Variants in ZC3H3 observed in about 807,000 individuals in gnomAD.
The protein encoded by ZC3H3 is zinc finger CCCH-type containing 3, also known as zinc finger CCCH domain-containing protein 3.
Under a neutral mutation model 77.3 loss-of-function variants are expected in ZC3H3, and 36 were observed. That is an observed-to-expected ratio of 0.47 (90% CI 0.36 to 0.61). The LOEUF (loss-of-function observed/expected upper bound fraction) is 0.61, where lower values mean the gene tolerates loss of function less well. Ranked by LOEUF, ZC3H3 falls within the 20% of genes least tolerant of loss-of-function variation. The probability of loss-of-function intolerance (pLI) is 0.00; values close to 1 mark genes in which losing one functional copy is unlikely to be tolerated. For synonymous variants in ZC3H3, 626 were observed against 555.2 expected, an observed-to-expected ratio of 1.13 and a Z score of -1.79; for missense variants, 1,331 against 1,312.2, an observed-to-expected ratio of 1.01 and a Z score of -0.22.
At chr8:143,486,730 C>G (rs867775094) in intron 4 of ZC3H3, among the ~76,000 whole-genome samples, 25 of 143,370 alleles carry the variant, frequency 1.7e-4, no homozygotes, top group African/African-American at 3.4e-4. Flanking sequence ...ACGAAGCTCA[C>G]ACACAAAACA....
chr8:143,520,483 G>A (rs866210993), intron 3 of ZC3H3, among the ~76,000 whole-genome samples: 5 of 152,182 alleles, frequency 3.3e-5, no homozygotes, highest in African/African-American at 7.2e-5. Context: ...CCAGGCCCAC[G>A]CAGTGGGAAC....
chr8:143,475,295 G>A, intron 5 of ZC3H3, 103 bp downstream of exon 5: 1 of 1,377,372 alleles, frequency 7.3e-7, no homozygotes, highest in Non-Finnish European at 9.7e-7. Flanking sequence ...CCAAGGCCCA[G>A]AGCAGCCACA....
chr8:143,507,790 G>C lies in ZC3H3; in HGVS notation c.1671C>G (p.Pro557=). Reference sequence around the variant, plus strand: ...GGGCCCGCCAGGAGGGCAGAGACAGGGGGAAGGGCGGGGCGCTGAGAGGCG... The same window carrying C: ...GGGCCCGCCAGGAGGGCAGAGACAGCGGGAAGGGCGGGGCGCTGAGAGGCG... The part of the protein sequence containing the change: ...PASPLSAPPF[P]LSLPSWRARR... Residue 557 remains proline (P), a synonymous_variant, in exon 4 of 12, where the codon CCC becomes CCG. Transcript: ENST00000262577. The C allele has an allele frequency of 6.2e-7, 1 of 1,603,020 alleles. No individual in the cohort carries two copies. The highest frequency in any genetic ancestry group is 2.2e-5 in the East Asian group (1 of 44,664).
chr8:143,526,170 C>T (rs1428266176), intron 3 of ZC3H3, among the ~76,000 whole-genome samples: 1 of 152,240 alleles, frequency 6.6e-6, no homozygotes, highest in Non-Finnish European at 1.5e-5. Context: ...CCTGGAGAGA[C>T]CCTGGCTGGA....
At chr8:143,536,231 G>A (rs1411510347) in intron 3 of ZC3H3, 26 bp downstream of exon 3, 9 of 1,597,504 alleles carry the variant, frequency 5.6e-6, no homozygotes, top group Non-Finnish European at 7.7e-6. Flanking sequence ...CAGCCCCAGT[G>A]CCCAGCGCCC....
chr8:143,514,243 C>G (rs1821960846), intron 3 of ZC3H3, among the ~76,000 whole-genome samples: 1 of 152,168 alleles, frequency 6.6e-6, no homozygotes, highest in Non-Finnish European at 1.5e-5. Flanking sequence ...CCTCAAGTGC[C>G]ACCGTGAGGT....
At chr8:143,514,324 C>G (rs1821963814) in intron 3 of ZC3H3, among the ~76,000 whole-genome samples, 1 of 152,202 alleles carries the variant, frequency 6.6e-6, no homozygotes, top group South Asian at 2.1e-4. Flanking sequence ...CGGGCTGCCA[C>G]CGCAGGCCCC....
chr8:143,476,495 C>T lies in ZC3H3; in HGVS notation c.1716-910G>A, dbSNP rs1046050180. ...AGTAAGACAAGAGGGGCCTGAGCTG[C>T]ACTCCAGAGGCACCTCCCTGCAGCT... On this transcript the variant is annotated intron_variant, in intron 4 of 11. Transcript: ENST00000262577. Among the ~76,000 whole-genome samples the T allele has an allele frequency of 7.5e-4, 114 of 152,202 alleles. 2 individuals carry two copies. The highest frequency in any genetic ancestry group is 2.6e-4 in the Admixed American group (4 of 15,286).
chr8:143,528,142 A>T (rs528793563), intron 3 of ZC3H3, among the ~76,000 whole-genome samples: 1 of 152,196 alleles, frequency 6.6e-6, no homozygotes, highest in South Asian at 2.1e-4. Context: ...AAGACACAGC[A>T]AGCCCACCCT....
chr8:143,527,634 C>T (rs546801686), intron 3 of ZC3H3, among the ~76,000 whole-genome samples: 6 of 152,298 alleles, frequency 3.9e-5, no homozygotes, highest in African/African-American at 1.4e-4. Context: ...TTTCTTTTTC[C>T]CTTATGAAAG....
At position 143,533,023 on chromosome 8, in the gene ZC3H3, C is replaced by A. The variant is rs943252202; in HGVS notation, c.1561+3234G>T. Among the ~76,000 whole-genome samples, 1 of 152,150 alleles carries A rather than the reference C, an allele frequency of 6.6e-6. No homozygotes were observed. The highest frequency in any genetic ancestry group is 1.5e-5 in the Non-Finnish European group (1 of 68,014). On this transcript the variant is annotated intron_variant, in intron 3 of 11. Transcript: ENST00000262577. This position sits in a 1 kb window ranked among gnomAD's most constrained non-coding sequence, Gnocchi z 4.0. ...CCTTGGCCTGGCGTCAGTGGCCTCA[C>A]GCACAGGTCCTCCCGACTCTGCCCA...
chr8:143,488,365 G>A lies in ZC3H3; in HGVS notation c.1716-12780C>T, dbSNP rs1219637863. Reference sequence around the variant, plus strand: ...CACACAGAACAGCACCCGCTACACGGCCCCATCACCACGAAGCTCACACAC... The same window carrying A: ...CACACAGAACAGCACCCGCTACACGACCCCATCACCACGAAGCTCACACAC... On this transcript the variant is annotated intron_variant, in intron 4 of 11. Coordinates refer to ENST00000262577, the MANE Select transcript of ZC3H3 (RefSeq NM_015117.3). Among the ~76,000 whole-genome samples, 10 of 74,826 alleles carry A rather than the reference G, an allele frequency of 1.3e-4. 2 individuals are homozygous for A. The highest frequency in any genetic ancestry group is 5.6e-4 in the African/African-American group (8 of 14,246). 49.1% of individuals were successfully genotyped at this position (74,826 alleles called of 152,430 possible). A position where few individuals can be genotyped will look rare whatever the true frequency, so the allele number is the denominator to read the frequency against.
intron 4 of ZC3H3, among the ~76,000 whole-genome samples, chr8:143,504,512 G>A (rs890300278): frequency 4.6e-5 from 7 of 152,140 alleles, no homozygotes; most frequent in African/African-American, 9.7e-5. Context: ...CCCCTCCTCC[G>A]TCTTTGGGGT....
rs896150935 is a variant in ZC3H3 at position 143,538,082 on chromosome 8, G to A, written c.1285C>T (p.Pro429Ser). The change falls in exon 2 of 12, where the codon CCC (proline) becomes TCC (serine). Residue 429 changes from proline to serine, a missense_variant. Physicochemically the swap from Pro to Ser is moderately conservative, Grantham distance 74 (BLOSUM62 -1). Coordinates refer to ENST00000262577, the MANE Select transcript of ZC3H3 (RefSeq NM_015117.3). Reference sequence around the variant, plus strand: ...GAGAGCGGGGTCTCCCCAGAGAGGGGCTTCAAGCCACTGTGTCCTACTGCT... The same window carrying A: ...GAGAGCGGGGTCTCCCCAGAGAGGGACTTCAAGCCACTGTGTCCTACTGCT... Reference protein sequence around the residue: ...RPAVGHSGLKPLSGETPLSAY... With the variant: ...RPAVGHSGLKSLSGETPLSAY... 1 of 1,612,874 alleles carries A rather than the reference G, an allele frequency of 6.2e-7. No homozygotes were observed. The highest frequency in any genetic ancestry group is 8.5e-7 in the Non-Finnish European group (1 of 1,180,028).
At chr8:143,463,774 C>T (rs971989674) in intron 9 of ZC3H3, among the ~76,000 whole-genome samples, 4 of 152,178 alleles carry the variant, frequency 2.6e-5, no homozygotes, top group African/African-American at 9.7e-5. Flanking sequence ...TGGCAGACCC[C>T]GCAGGTGTGT....
chr8:143,477,764 G>GC (rs1820778150), intron 4 of ZC3H3, among the ~76,000 whole-genome samples: 1 of 152,228 alleles, frequency 6.6e-6, no homozygotes, highest in Non-Finnish European at 1.5e-5. Flanking sequence ...CCCTGCACCA[G>GC]CCCCACAGTA....
At chr8:143,472,741 C>T (rs1172454838) in intron 5 of ZC3H3, among the ~76,000 whole-genome samples, 2 of 152,226 alleles carry the variant, frequency 1.3e-5, no homozygotes, top group Non-Finnish European at 2.9e-5. Flanking sequence ...ACCCAAGGGC[C>T]CCGGTGCGGG....
intron 3 of ZC3H3, among the ~76,000 whole-genome samples, chr8:143,523,150 T>C (rs886298825): frequency 3.3e-5 from 5 of 152,244 alleles, no homozygotes; most frequent in Admixed American, 2.6e-4. Flanking sequence ...TACCTCCTCC[T>C]GCTTTCAGCA....
chr8:143,503,829 A>G (rs1379849156), intron 4 of ZC3H3, among the ~76,000 whole-genome samples: 1 of 151,888 alleles, frequency 6.6e-6, no homozygotes, highest in Non-Finnish European at 1.5e-5. Flanking sequence ...CGCCTCCTCC[A>G]TGTTCAGGTC....
Sources: allele counts gnomAD v4.1 joint callset (sites outside exome capture counted in the v4.1 genomes callset), GRCh38; gene constraint gnomAD v4.1.1; non-coding constraint Gnocchi (gnomAD v3.1); transcripts MANE v1.5; gene names NCBI Gene and HGNC (gene_info 2026-07-23, HGNC 2026-07-21).